Variants in KCNMB2 observed in about 807,000 individuals in gnomAD.
The protein encoded by KCNMB2 is calcium-activated potassium channel subunit beta-2.
KCNMB2 carries 9 observed loss-of-function variants against 24.5 expected under a neutral mutation model. That is an observed-to-expected ratio of 0.37 (90% confidence interval 0.22 to 0.64). The LOEUF (loss-of-function observed/expected upper bound fraction) is 0.64. Among genes scored for constraint, KCNMB2 ranks in the 30% least tolerant of loss-of-function variants. KCNMB2 has a pLI of 0.63. For missense variants in KCNMB2, 226 were observed against 284.3 expected, an observed-to-expected ratio of 0.79 and a Z score of 1.47; for synonymous variants, 109 against 104.4, an observed-to-expected ratio of 1.04 and a Z score of -0.27.
chr3:178,780,850 A>G (rs1374560105), intron 1 of KCNMB2, among the ~76,000 whole-genome samples: 1 of 152,260 alleles, frequency 6.6e-6, no homozygotes, highest in African/African-American at 2.4e-5. Context: ...CAAGTGCTCA[A>G]TAAATAAAAA....
At chr3:178,768,704 A>G (rs1481655225) in intron 1 of KCNMB2, among the ~76,000 whole-genome samples, 1 of 152,156 alleles carries the variant, frequency 6.6e-6, no homozygotes, top group African/African-American at 2.4e-5. Context: ...GCCCATTTCT[A>G]GAGAGAGGCA....
chr3:178,744,810 T>C (rs1051710886), intron 1 of KCNMB2, among the ~76,000 whole-genome samples: 5 of 152,188 alleles, frequency 3.3e-5, no homozygotes, highest in Admixed American at 2.6e-4. Context: ...TTGCTCTTCT[T>C]ACACAAGTTA....
chr3:178,756,235 G>T lies in KCNMB2; in HGVS notation c.-67-51108G>T, dbSNP rs554107485. Among the ~76,000 whole-genome samples, 143 of 149,112 alleles carry T rather than the reference G, an allele frequency of 9.6e-4. 1 individual carries two copies. In the East Asian group the frequency reaches 0.011, roughly 12 times the overall value. On this transcript the variant is annotated intron_variant, in intron 1 of 4. Coordinates refer to ENST00000452583, the MANE Select transcript of KCNMB2 (RefSeq NM_181361.3). The stretch of plus-strand genomic sequence containing the variant: ...GTGTGTGTATATATATGTGGGTGTG[G>T]GTGTGTGTGTGTGTGTGTATGCGTG...
At chr3:178,800,224 A>G (rs1713721734) in intron 1 of KCNMB2, among the ~76,000 whole-genome samples, 1 of 152,156 alleles carries the variant, frequency 6.6e-6, no homozygotes, top group Admixed American at 6.5e-5. Flanking sequence ...GAAAAGAATC[A>G]ACAAAGTGAA....
At chr3:178,680,289 C>T (rs942778946) in intron 1 of KCNMB2, among the ~76,000 whole-genome samples, 6 of 152,108 alleles carry the variant, frequency 3.9e-5, no homozygotes, top group African/African-American at 1.4e-4. Flanking sequence ...CAGCACCTGC[C>T]TAGGGAGGCC....
intron 2 of KCNMB2, among the ~76,000 whole-genome samples, chr3:178,808,381 G>A (rs963906849): frequency 1.3e-5 from 2 of 152,104 alleles, no homozygotes; most frequent in Non-Finnish European, 2.9e-5. Flanking sequence ...GGCAGAATCT[G>A]ATAGAAGTCA....
intron 1 of KCNMB2, among the ~76,000 whole-genome samples, chr3:178,573,154 G>A (rs570201874): frequency 3.2e-4 from 48 of 151,728 alleles, no homozygotes; most frequent in African/African-American, 6.3e-4. Context: ...GATTACAGGC[G>A]CCCACCACCA....
chr3:178,754,287 T>G (rs1397460063), intron 1 of KCNMB2, among the ~76,000 whole-genome samples: 1 of 151,402 alleles, frequency 6.6e-6, no homozygotes, highest in Admixed American at 6.6e-5. Context: ...AATGCTTCAA[T>G]GAACACAAGA....
chr3:178,556,186 G>A (rs190820416), intron 1 of KCNMB2, among the ~76,000 whole-genome samples: 3 of 152,344 alleles, frequency 2.0e-5, no homozygotes, highest in Admixed American at 6.5e-5. Context: ...TGAGTTTGAG[G>A]TGGAGGAAGA....
chr3:178,670,596 C>T (rs1451327116), intron 1 of KCNMB2, among the ~76,000 whole-genome samples: 1 of 152,126 alleles, frequency 6.6e-6, no homozygotes, highest in Admixed American at 6.6e-5. Context: ...CAGAAGGCCT[C>T]AATCCTTACA....
intron 1 of KCNMB2, chr3:178,757,080 C>G (rs1488344773): frequency 1.3e-5 from 2 of 150,846 alleles, no homozygotes; most frequent in Admixed American, 6.7e-5. Flanking sequence ...CCTTGCTTAC[C>G]TCTCTTACAT....
At chr3:178,538,075 T>G (rs2108443962) in intron 1 of KCNMB2, among the ~76,000 whole-genome samples, 1 of 152,354 alleles carries the variant, frequency 6.6e-6, no homozygotes, top group South Asian at 2.1e-4. Flanking sequence ...CAGTTGAGTT[T>G]GTGTATTTGT....
Position 178,844,070 on chromosome 3 carries a change from A to G in KCNMB2, c.*1133A>G, listed in dbSNP as rs56135244. ...AACACATATTTGAACTGAATAACAG[A>G]CTTAAAGAAAGCCTTTGTTCACATT... On this transcript the variant is annotated 3_prime_UTR_variant, in exon 5 of 5. Transcript: ENST00000452583. 22,159 of 152,538 alleles carry G rather than the reference A, an allele frequency of 0.15. 1,858 individuals are homozygous for G. Among genetic ancestry groups the G allele is most frequent in the Non-Finnish European group, 0.19 (12,973 of 67,920 alleles). 9.4% of individuals were successfully genotyped at this position (152,538 alleles called of 1,614,324 possible).
chr3:178,712,366 T>C (rs576293512), intron 1 of KCNMB2, among the ~76,000 whole-genome samples: 11 of 152,274 alleles, frequency 7.2e-5, no homozygotes, highest in Non-Finnish European at 1.5e-4. Flanking sequence ...TACAGTCTAG[T>C]TGAAGGAGGT....
At chr3:178,707,978 C>T (rs1212768061) in intron 1 of KCNMB2, among the ~76,000 whole-genome samples, 1 of 152,124 alleles carries the variant, frequency 6.6e-6, no homozygotes, top group African/African-American at 2.4e-5. Flanking sequence ...CTATTAAATC[C>T]TTCCCTTTGT....
intron 1 of KCNMB2, among the ~76,000 whole-genome samples, chr3:178,605,156 G>A (rs1346985075): frequency 6.6e-6 from 1 of 152,068 alleles, no homozygotes; most frequent in Non-Finnish European, 1.5e-5. Flanking sequence ...ACCTTTGGTT[G>A]GTGATTAGGT....
intron 1 of KCNMB2, among the ~76,000 whole-genome samples, chr3:178,781,941 TC>T (rs1345048720): frequency 1.1e-5 from 1 of 91,654 alleles, no homozygotes; most frequent in Non-Finnish European, 2.0e-5. Context: ...CCCTCCCCCC[TC>T]CCCCCACCCC....
At chr3:178,641,508 A>C (rs1264164454) in intron 1 of KCNMB2, among the ~76,000 whole-genome samples, 2 of 152,124 alleles carry the variant, frequency 1.3e-5, no homozygotes, top group African/African-American at 4.8e-5. Context: ...ATTGGCTTTT[A>C]TATATTAACC....
intron 1 of KCNMB2, among the ~76,000 whole-genome samples, chr3:178,561,619 A>T (rs1043792530): frequency 2.0e-5 from 3 of 152,192 alleles, no homozygotes; most frequent in Admixed American, 2.0e-4. Flanking sequence ...ATTAGATTCC[A>T]ATGTTAGCGT....
Sources: allele counts gnomAD v4.1 joint callset (sites outside exome capture counted in the v4.1 genomes callset), GRCh38; gene constraint gnomAD v4.1.1; transcripts MANE v1.5; gene names NCBI Gene and HGNC (gene_info 2026-07-23, HGNC 2026-07-21).